The following PHACTR3 variants were observed in gnomAD, a reference collection of about 807,000 sequenced individuals.
PHACTR3 encodes the protein protein phosphatase 1, regulatory subunit 123.
Under a neutral mutation model 66.8 loss-of-function variants are expected in PHACTR3, and 16 were observed. That is an observed-to-expected ratio of 0.24 (90% CI 0.16 to 0.36). The LOEUF (loss-of-function observed/expected upper bound fraction) is 0.36, where lower values mean the gene tolerates loss of function less well. PHACTR3 is among the 10% of genes least tolerant of loss of function. The pLI is 1.00. For synonymous variants in PHACTR3, 323 were observed against 292.1 expected, an observed-to-expected ratio of 1.11 and a Z score of -1.08; for missense variants, 647 against 719.9, an observed-to-expected ratio of 0.90 and a Z score of 1.16.
intron 1 of PHACTR3, among the ~76,000 whole-genome samples, chr20:59,733,111 C>G (rs910006886): frequency 3.3e-5 from 5 of 150,084 alleles, no homozygotes; most frequent in African/African-American, 1.2e-4. Context: ...TGCCCTCCAC[C>G]CAACACCAGC....
At chr20:59,586,194 C>T (rs1025184771) in intron 1 of PHACTR3, among the ~76,000 whole-genome samples, 2 of 152,232 alleles carry the variant, frequency 1.3e-5, no homozygotes, top group African/African-American at 4.8e-5. Flanking sequence ...AGACTTCCTG[C>T]CTCCTGCACA....
At chr20:59,635,898 A>G (rs2034885958) in intron 1 of PHACTR3, among the ~76,000 whole-genome samples, 2 of 152,190 alleles carry the variant, frequency 1.3e-5, no homozygotes, top group Admixed American at 1.3e-4. Flanking sequence ...GACTGTTTTA[A>G]GCTGCTCAGT....
At chr20:59,796,715 A>G (rs567260722) in intron 7 of PHACTR3, among the ~76,000 whole-genome samples, 1 of 152,276 alleles carries the variant, frequency 6.6e-6, no homozygotes, top group South Asian at 2.1e-4. Flanking sequence ...AAGTTTGCTC[A>G]TAGACTAATG....
At chr20:59,788,409 G>T (rs1197947603) in intron 7 of PHACTR3, among the ~76,000 whole-genome samples, 1 of 151,982 alleles carries the variant, frequency 6.6e-6, no homozygotes, top group Non-Finnish European at 1.5e-5. Flanking sequence ...ACGCCTGGCA[G>T]CCCCTCCTCC....
At position 59,700,968 on chromosome 20, in the gene PHACTR3, A is replaced by T. The variant is rs79866652; in HGVS notation, c.119-42139A>T. On this transcript the variant is annotated intron_variant, in intron 1 of 12. Transcript: ENST00000371015. ...CTATGTCTGGCTAATTTTTAAAAAA[A>T]TTTTTTGGCGACGGGGTCTCACTAC... Among the ~76,000 whole-genome samples the T allele has an allele frequency of 1.8e-4, 27 of 151,396 alleles. No homozygotes were observed. In the East Asian group the frequency reaches 3.9e-3, roughly 22 times the overall value.
intron 1 of PHACTR3, chr20:59,721,075 A>G (rs1808881739): frequency 6.6e-6 from 1 of 152,194 alleles, no homozygotes; most frequent in Admixed American, 6.5e-5. Flanking sequence ...ACCCTTTCCT[A>G]TGCATTAGCT....
chr20:59,668,357 G>A (rs534224441), intron 1 of PHACTR3, among the ~76,000 whole-genome samples: 1 of 152,242 alleles, frequency 6.6e-6, no homozygotes, highest in African/African-American at 2.4e-5. Context: ...TATGGGCTTA[G>A]AGGTGGGCAC....
At chr20:59,762,757 G>T (rs1362355418) in intron 4 of PHACTR3, among the ~76,000 whole-genome samples, 7 of 152,092 alleles carry the variant, frequency 4.6e-5, no homozygotes, top group Non-Finnish European at 8.8e-5. Flanking sequence ...GGTTTCCACT[G>T]GGGTGGGAAG....
At chr20:59,682,316 G>C (rs1386383439) in intron 1 of PHACTR3, among the ~76,000 whole-genome samples, 1 of 152,130 alleles carries the variant, frequency 6.6e-6, no homozygotes, top group African/African-American at 2.4e-5. Flanking sequence ...CTCCAGCCTG[G>C]GCAACAGAGT....
intron 7 of PHACTR3, among the ~76,000 whole-genome samples, chr20:59,796,509 G>T (rs2426839): frequency 0.97 from 146,812 of 152,090 alleles, 70,882 homozygotes; most frequent in East Asian, 1. Flanking sequence ...TCTGGTTGAA[G>T]TACTCTCTTG....
intron 1 of PHACTR3, among the ~76,000 whole-genome samples, chr20:59,723,105 T>C (rs932152592): frequency 6.7e-6 from 1 of 148,798 alleles, no homozygotes; most frequent in Non-Finnish European, 1.5e-5. Context: ...TTTCTTTCTT[T>C]CTTTCTTTCT....
chr20:59,709,137 A>G (rs2037822320), intron 1 of PHACTR3, among the ~76,000 whole-genome samples: 1 of 152,190 alleles, frequency 6.6e-6, no homozygotes, highest in Non-Finnish European at 1.5e-5. Flanking sequence ...ATTTTCTACA[A>G]CGTTCAGTCT....
At chr20:59,703,974 G>C (rs2037603839) in intron 1 of PHACTR3, among the ~76,000 whole-genome samples, 1 of 152,132 alleles carries the variant, frequency 6.6e-6, no homozygotes, top group African/African-American at 2.4e-5. Flanking sequence ...TATTTCATGG[G>C]ATGAAAAGTT....
chr20:59,578,311 T>G (rs1020910422), intron 1 of PHACTR3, among the ~76,000 whole-genome samples: 1 of 152,192 alleles, frequency 6.6e-6, no homozygotes, highest in Admixed American at 6.5e-5. Flanking sequence ...TCAGTGGCCA[T>G]GGGTGCATGA....
intron 9 of PHACTR3, among the ~76,000 whole-genome samples, chr20:59,839,038 TAAA>T (rs75920578): frequency 2.1e-5 from 3 of 140,940 alleles, no homozygotes; most frequent in African/African-American, 2.6e-5. Flanking sequence ...TTTTCAGGAT[TAAA>T]AAAAAAAAAA....
rs562942031 is a variant in PHACTR3, at chr20:59,717,759, T to A, written c.119-25348T>A. Among the ~76,000 whole-genome samples the A allele has an allele frequency of 2.0e-5, 3 of 152,390 alleles. No homozygotes were observed. In the South Asian group the frequency reaches 6.2e-4, roughly 32 times the overall value. On this transcript the variant is annotated intron_variant, in intron 1 of 12. Coordinates refer to ENST00000371015, the MANE Select transcript of PHACTR3 (RefSeq NM_080672.5). ...TGACTTTGCTATATAAAGGTGTGGTTTTTTTGACTATTCCTCCAGAATGGC... is the reference window on the plus strand; with the variant it reads ...TGACTTTGCTATATAAAGGTGTGGTATTTTTGACTATTCCTCCAGAATGGC...
At chr20:59,726,040 C>T (rs1420593514) in intron 1 of PHACTR3, among the ~76,000 whole-genome samples, 4 of 152,188 alleles carry the variant, frequency 2.6e-5, no homozygotes, top group Non-Finnish European at 4.4e-5. Context: ...TGCTCCAGCA[C>T]GAGGGAGACG....
chr20:59,847,376 T>TAACTC lies in PHACTR3; in HGVS notation c.*247_*251dup. On this transcript the variant is annotated 3_prime_UTR_variant, in exon 13 of 13. Transcript: ENST00000371015. The stretch of plus-strand genomic sequence containing the variant: ...TGTTGGGGTCAGTTAAGACCCAACA[T>TAACTC]AACTCTATCAGAAGAAAACTGTTGT... 2.7e-6 allele frequency: 1 copy of TAACTC among 375,760 alleles called. No homozygotes were observed. The highest frequency in any genetic ancestry group is 4.9e-6 in the Non-Finnish European group (1 of 202,718). 23.3% of individuals were successfully genotyped at this position (375,760 alleles called of 1,614,324 possible). A position where few individuals can be genotyped will look rare whatever the true frequency, so the allele number is the denominator to read the frequency against.
intron 1 of PHACTR3, among the ~76,000 whole-genome samples, chr20:59,716,407 C>G (rs959139948): frequency 6.6e-6 from 1 of 151,976 alleles, no homozygotes; most frequent in Non-Finnish European, 1.5e-5. Flanking sequence ...TGTGTGCCAC[C>G]ATACCTGTCT....
Sources: gnomAD v4.1 joint callset for allele counts (sites outside exome capture counted in the v4.1 genomes callset) on GRCh38, gnomAD v4.1.1 for gene constraint, MANE v1.5 for transcripts, NCBI Gene and HGNC (gene_info 2026-07-23, HGNC 2026-07-21) for gene names.